The following PPP2R2C variants were observed in gnomAD, a reference collection of about 807,000 sequenced individuals.
PPP2R2C encodes the protein protein phosphatase 2, regulatory subunit B, gamma.
Under a neutral mutation model 45.3 loss-of-function variants are expected in PPP2R2C, and 10 were observed. That is an observed-to-expected ratio of 0.22 (90% CI 0.14 to 0.37). The LOEUF (loss-of-function observed/expected upper bound fraction) is 0.37, where lower values mean the gene tolerates loss of function less well. Among genes scored for constraint, PPP2R2C ranks in the 10% least tolerant of loss-of-function variants. PPP2R2C has a pLI of 1.00. For synonymous variants in PPP2R2C, 257 were observed against 245.4 expected (o/e 1.05, Z -0.44); for missense variants, 308 against 619.7 (o/e 0.50, Z 5.34).
intron 6 of PPP2R2C, among the ~76,000 whole-genome samples, chr4:6,343,217 T>C (rs987373927): frequency 6.6e-6 from 1 of 152,168 alleles, no homozygotes; most frequent in African/African-American, 2.4e-5. Flanking sequence ...GGACAAGGCA[T>C]GCAGAAGGAC....
At chr4:6,484,657 C>T (rs1465455688) in intron 2 of PPP2R2C, among the ~76,000 whole-genome samples, 1 of 151,768 alleles carries the variant, frequency 6.6e-6, no homozygotes, top group Non-Finnish European at 1.5e-5. Context: ...TCTTTAATTT[C>T]TATCATCAGT....
intron 1 of PPP2R2C, chr4:6,384,839 C>G (rs73078748): frequency 1.0e-6 from 1 of 985,312 alleles, no homozygotes; most frequent in Non-Finnish European, 1.2e-6. Context: ...TGAGAGACTA[C>G]GCCATGAGCT....
chr4:6,351,434 C>T (rs1191272941), intron 5 of PPP2R2C: 20 of 888,774 alleles, frequency 2.3e-5, no homozygotes, highest in Non-Finnish European at 2.6e-5. Context: ...GGGGCACGGA[C>T]ACTCAATCGA....
At chr4:6,424,934 C>A (rs922778914) in intron 1 of PPP2R2C, among the ~76,000 whole-genome samples, 10 of 152,202 alleles carry the variant, frequency 6.6e-5, no homozygotes, top group Admixed American at 6.5e-4. Flanking sequence ...GAACAGCAGG[C>A]AGCCTCTTTA....
chr4:6,480,949 C>T (rs374932339), intron 2 of PPP2R2C, among the ~76,000 whole-genome samples: 13 of 152,198 alleles, frequency 8.5e-5, no homozygotes, highest in African/African-American at 2.9e-4. Context: ...ATTTCCTCTT[C>T]GATGAATCGC....
At chr4:6,421,464 T>C (rs955977566) in intron 1 of PPP2R2C, among the ~76,000 whole-genome samples, 5 of 152,130 alleles carry the variant, frequency 3.3e-5, no homozygotes, top group African/African-American at 1.2e-4. Flanking sequence ...ACCTAAGTGT[T>C]TGATAAGTGT....
At chr4:6,418,685 T>C (rs1246414306) in intron 1 of PPP2R2C, among the ~76,000 whole-genome samples, 1 of 152,242 alleles carries the variant, frequency 6.6e-6, no homozygotes, top group Non-Finnish European at 1.5e-5. Flanking sequence ...GCCAGAGTCC[T>C]GTGCTCCCAA....
At chr4:6,372,433 AC>A in intron 5 of PPP2R2C, 89 bp downstream of exon 5, 1 of 1,409,382 alleles carries the variant, frequency 7.1e-7, no homozygotes, top group Non-Finnish European at 9.9e-7. Flanking sequence ...CCATCCCCAA[AC>A]CAGCTGTCTG....
chr4:6,511,243 GTGATGCTGATGC>G (rs79894855), intron 2 of PPP2R2C, among the ~76,000 whole-genome samples: 3,653 of 144,452 alleles, frequency 0.025, 117 homozygotes, highest in African/African-American at 0.078. Context: ...CGTTCCGCTG[GTGATGCTGATGC>G]TGATGCTGAT....
intron 1 of PPP2R2C, among the ~76,000 whole-genome samples, chr4:6,555,958 C>T (rs1725387426): frequency 6.6e-6 from 1 of 152,220 alleles, no homozygotes; most frequent in African/African-American, 2.4e-5. Context: ...TGTGTGTTTC[C>T]CCATCTCTGC....
At position 6,330,159 on chromosome 4, in the gene PPP2R2C, C is replaced by T. The variant is rs529352412; in HGVS notation, c.961-806G>A. 5.9e-5 allele frequency among the ~76,000 whole-genome samples: 9 copies of T among 152,260 alleles called. No individual in the cohort carries two copies. The South Asian group carries it at 6.2e-4, about 11-fold the overall frequency. On this transcript the variant is annotated intron_variant, in intron 7 of 8. Coordinates refer to ENST00000382599, the MANE Select transcript of PPP2R2C (RefSeq NM_020416.4). This position sits in a 1 kb window ranked among gnomAD's most constrained non-coding sequence, Gnocchi z 7.0. ...GGACCTGCATCCACCTGACTGCAGC[C>T]GGTCCTACAAGCCCTGTACCCGGAG...
At chr4:6,415,209 C>T (rs921842608) in intron 1 of PPP2R2C, among the ~76,000 whole-genome samples, 1 of 152,220 alleles carries the variant, frequency 6.6e-6, no homozygotes, top group African/African-American at 2.4e-5. Context: ...TCAAACTGGC[C>T]AGCGCCAGCA....
rs1712125028 is a variant in PPP2R2C at position 6,347,708 on chromosome 4, T to C, written c.790+138A>G. The C allele has an allele frequency of 7.9e-6, 9 of 1,146,006 alleles. 1 individual carries two copies. In the South Asian group the frequency reaches 1.3e-4, roughly 16 times the overall value. The allele number at this position is 1,146,006 out of a possible 1,614,324, so 71.0% of individuals were successfully genotyped here. ...CGACCAGCCAGCGCTGAAGCAGCAA[T>C]GGGCCCACCCACCTTGGCCAGTCCA... On this transcript the variant is annotated intron_variant, in intron 6 of 8. Transcript: ENST00000382599.
chr4:6,343,164 G>A lies in PPP2R2C; in HGVS notation c.790+4682C>T, dbSNP rs185271196. On this transcript the variant is annotated intron_variant, in intron 6 of 8. Transcript: ENST00000382599. ...CACCTGCTAATTGGAAAGCGGCTGC[G>A]TGCTTGATTTCCCATGAGAGCCACA... Among the ~76,000 whole-genome samples, 466 of 152,270 alleles carry A rather than the reference G, an allele frequency of 3.1e-3. 1 individual carries two copies. Among genetic ancestry groups the A allele is most frequent in the Non-Finnish European group, 4.1e-3 (279 of 68,026 alleles).
At chr4:6,554,951 G>T (rs1271100811) in intron 1 of PPP2R2C, among the ~76,000 whole-genome samples, 4 of 137,464 alleles carry the variant, frequency 2.9e-5, no homozygotes, top group African/African-American at 1.2e-4. Context: ...AAGAAAGAAA[G>T]AAAGAAAGAA....
At chr4:6,413,254 T>C (rs1718305865) in intron 1 of PPP2R2C, among the ~76,000 whole-genome samples, 1 of 140,336 alleles carries the variant, frequency 7.1e-6, no homozygotes. Flanking sequence ...CACACAGTCA[T>C]GTACTCGCAC....
intron 6 of PPP2R2C, among the ~76,000 whole-genome samples, chr4:6,344,478 C>T (rs902658961): frequency 2.0e-5 from 3 of 152,212 alleles, no homozygotes; most frequent in Admixed American, 6.5e-5. Context: ...GCACAGGCTT[C>T]GGGAGCCAAA....
At chr4:6,497,238 T>C (rs1722909493) in intron 2 of PPP2R2C, among the ~76,000 whole-genome samples, 1 of 151,738 alleles carries the variant, frequency 6.6e-6, no homozygotes, top group Admixed American at 6.6e-5. Flanking sequence ...AGAAGAGAAA[T>C]AGATGGAGGT....
intron 1 of PPP2R2C, among the ~76,000 whole-genome samples, chr4:6,467,623 G>A (rs191208978): frequency 6.6e-5 from 10 of 152,306 alleles, no homozygotes; most frequent in Non-Finnish European, 1.2e-4. Flanking sequence ...TATGTATCTC[G>A]AGTCTTAGCT....
Sources: allele counts gnomAD v4.1 joint callset (sites outside exome capture counted in the v4.1 genomes callset), GRCh38; gene constraint gnomAD v4.1.1; non-coding constraint Gnocchi (gnomAD v3.1); transcripts MANE v1.5; gene names NCBI Gene and HGNC (gene_info 2026-07-23, HGNC 2026-07-21).